The following CNBD1 variants were observed in gnomAD, a reference collection of about 807,000 sequenced individuals.
The protein encoded by CNBD1 is cyclic nucleotide-binding domain-containing protein 1.
In CNBD1, 71 loss-of-function variants were observed where a neutral mutation model predicts 54.4. That is an observed-to-expected ratio of 1.30 (90% CI 1.08 to 1.59). The LOEUF is 1.59. Among genes scored for constraint, CNBD1 ranks in the 40% most tolerant of loss-of-function variants. The pLI is 0.00. For missense variants in CNBD1, 659 were observed against 518.0 expected (o/e 1.27, Z -2.64); for synonymous variants, 182 against 170.7 (o/e 1.07, Z -0.51).
At chr8:86,910,095 C>A (rs1270185301) in intron 3 of CNBD1, among the ~76,000 whole-genome samples, 1 of 152,006 alleles carries the variant, frequency 6.6e-6, no homozygotes, top group Admixed American at 6.6e-5. Flanking sequence ...GTTTTTAGAT[C>A]GGATCATGAA....
chr8:87,027,937 C>T (rs1237792769), intron 4 of CNBD1, among the ~76,000 whole-genome samples: 3 of 152,166 alleles, frequency 2.0e-5, no homozygotes, highest in African/African-American at 7.2e-5. Flanking sequence ...CTCAGTTGGG[C>T]CTGATCAGCT....
chr8:87,241,370 A>G (rs141234633), intron 6 of CNBD1, among the ~76,000 whole-genome samples: 2,308 of 141,652 alleles, frequency 0.016, 68 homozygotes, highest in African/African-American at 0.058. Context: ...TCCCGGGTTC[A>G]CGTCATTCTC....
At chr8:87,288,658 T>A (rs1808736423) in intron 8 of CNBD1, among the ~76,000 whole-genome samples, 1 of 152,098 alleles carries the variant, frequency 6.6e-6, no homozygotes, top group Non-Finnish European at 1.5e-5. Flanking sequence ...CCTAGACTAA[T>A]ATTGAATTCA....
At chr8:86,885,451 G>A (rs1437528524) in intron 1 of CNBD1, among the ~76,000 whole-genome samples, 1 of 151,978 alleles carries the variant, frequency 6.6e-6, no homozygotes, top group Non-Finnish European at 1.5e-5. Context: ...CGTGTTATAG[G>A]GTTAAGTCTT....
In CNBD1 at chr8:86,890,892, G is replaced by A. The variant is rs117462439; in HGVS notation, c.158+3281G>A. 1.6e-3 allele frequency among the ~76,000 whole-genome samples: 243 copies of A among 151,226 alleles called. 4 individuals carry two copies. The East Asian group carries it at 0.04, about 25-fold the overall frequency. ...TCATGAACACATTGGCTATACATAT[G>A]TCTTCTTTGGTAAAGTAGGTGTTCA... is the stretch of plus-strand genomic sequence containing the variant. On this transcript the variant is annotated intron_variant, in intron 2 of 10. Transcript: ENST00000518476.
At chr8:87,380,630 T>A (rs1413856500) in intron 10 of CNBD1, among the ~76,000 whole-genome samples, 1 of 152,074 alleles carries the variant, frequency 6.6e-6, no homozygotes, top group East Asian at 1.9e-4. Context: ...TTTAACAATA[T>A]TGTCTTCCAG....
chr8:87,348,766 G>A (rs991740435), intron 8 of CNBD1, among the ~76,000 whole-genome samples: 1 of 152,142 alleles, frequency 6.6e-6, no homozygotes, highest in African/African-American at 2.4e-5. Context: ...ATAGCCAGTA[G>A]GGAATTATTC....
chr8:87,162,710 T>C (rs559884085), intron 4 of CNBD1, among the ~76,000 whole-genome samples: 6 of 152,038 alleles, frequency 3.9e-5, no homozygotes, highest in Non-Finnish European at 5.9e-5. Context: ...ATCTCTCTGC[T>C]CCCAAAATTG....
chr8:87,213,370 G>A (rs1814142288), intron 5 of CNBD1, among the ~76,000 whole-genome samples: 1 of 152,106 alleles, frequency 6.6e-6, no homozygotes, highest in Admixed American at 6.5e-5. Context: ...CCTGAGACTG[G>A]ATAATTTATA....
chr8:87,382,818 G>A lies in CNBD1; in HGVS notation c.*191G>A. On this transcript the variant is annotated 3_prime_UTR_variant, in exon 11 of 11. Coordinates refer to ENST00000518476, the MANE Select transcript of CNBD1 (RefSeq NM_173538.3). ...CAGTTTTTATTAGCAGTCTTTCTTG[G>A]TTTGGATACTAAAATAAATATAGTT... 2 of 446,686 alleles carry A rather than the reference G, an allele frequency of 4.5e-6. No individual in the cohort carries two copies. Among genetic ancestry groups the A allele is most frequent in the Non-Finnish European group, 8.0e-6 (2 of 249,068 alleles). The allele number at this position is 446,686 out of a possible 1,614,324, so 27.7% of individuals were successfully genotyped here. A position where few individuals can be genotyped will look rare whatever the true frequency, so the allele number is the denominator to read the frequency against.
At chr8:87,137,849 A>T (rs1376404912) in intron 4 of CNBD1, among the ~76,000 whole-genome samples, 1 of 152,134 alleles carries the variant, frequency 6.6e-6, no homozygotes, top group Non-Finnish European at 1.5e-5. Flanking sequence ...AATAAGAGGG[A>T]AAACTACTTA....
rs1363019469 is a variant in CNBD1, at chr8:86,939,724, T to C, written c.401T>C (p.Phe134Ser). The change falls in exon 4 of 11, where the codon TTT becomes TCT. Residue 134 changes from phenylalanine to serine, a missense_variant. Coordinates refer to ENST00000518476, the MANE Select transcript of CNBD1 (RefSeq NM_173538.3). ...AGACCAAAAAGAGCCACAGAGAAAT[T>C]TGAAGAATTCCTAGCTATCTTAAAG... ...LYRPKRATEK[F>S]EEFLAILKKL... 6.3e-7 allele frequency: 1 copy of C among 1,581,780 alleles called. No individual in the cohort carries two copies. The highest frequency in any genetic ancestry group is 1.4e-5 in the African/African-American group (1 of 73,566).
intron 2 of CNBD1, among the ~76,000 whole-genome samples, chr8:87,412,603 A>G (rs764424315): frequency 6.6e-6 from 1 of 152,116 alleles, no homozygotes; most frequent in Non-Finnish European, 1.5e-5. Flanking sequence ...GCTAATAGAC[A>G]CTATGTTTTC....
intron 2 of CNBD1, among the ~76,000 whole-genome samples, chr8:87,420,924 T>G (rs1180166047): frequency 6.6e-6 from 1 of 152,002 alleles, no homozygotes; most frequent in Non-Finnish European, 1.5e-5. Flanking sequence ...GATCGTGGAG[T>G]AAGCTTTCAA....
chr8:87,404,348 G>T (rs145363770), intron 2 of CNBD1, among the ~76,000 whole-genome samples: 1 of 152,126 alleles, frequency 6.6e-6, no homozygotes, highest in East Asian at 1.9e-4. Flanking sequence ...TGTTACCTCA[G>T]TTGGTGCTTT....
chr8:87,239,828 C>A (rs1184670983), intron 6 of CNBD1, among the ~76,000 whole-genome samples: 1 of 151,052 alleles, frequency 6.6e-6, no homozygotes, highest in Admixed American at 6.6e-5. Flanking sequence ...TTTTGCTTTT[C>A]TCAACATAGA....
intron 8 of CNBD1, among the ~76,000 whole-genome samples, chr8:87,296,461 G>T (rs1411507419): frequency 2.0e-5 from 3 of 152,210 alleles, no homozygotes; most frequent in African/African-American, 4.8e-5. Flanking sequence ...CTAAGGCCAG[G>T]TCATTAGTGT....
At position 87,304,890 on chromosome 8, in the gene CNBD1, T is replaced by C. The variant is rs1585997899; in HGVS notation, c.1042+18219T>C. On this transcript the variant is annotated intron_variant, in intron 8 of 10. Coordinates refer to ENST00000518476, the MANE Select transcript of CNBD1 (RefSeq NM_173538.3). Reference sequence around the variant, plus strand: ...CCACTCCCACCACTCCTCTTCAACATAGTACTGGAAATCCTTATCAGAGCA... The same window carrying C: ...CCACTCCCACCACTCCTCTTCAACACAGTACTGGAAATCCTTATCAGAGCA... 2.0e-5 allele frequency among the ~76,000 whole-genome samples: 3 copies of C among 152,094 alleles called. No individual in the cohort carries two copies. The South Asian group carries it at 6.2e-4, about 32-fold the overall frequency.
chr8:87,382,637 C>G lies in CNBD1; in HGVS notation c.*10C>G. ...TTTTGCAGTGGCCTAGATCTAGAAACAACCTCAGTGAACATTAATTAAGAA... is the reference window on the plus strand; with the variant it reads ...TTTTGCAGTGGCCTAGATCTAGAAAGAACCTCAGTGAACATTAATTAAGAA... On this transcript the variant is annotated 3_prime_UTR_variant, in exon 11 of 11. Transcript: ENST00000518476. The G allele has an allele frequency of 6.5e-7, 1 of 1,528,414 alleles. No homozygotes were observed. Among genetic ancestry groups the G allele is most frequent in the Non-Finnish European group, 8.9e-7 (1 of 1,127,962 alleles). 94.7% of individuals were successfully genotyped at this position (1,528,414 alleles called of 1,614,324 possible).
Sources: allele counts gnomAD v4.1 joint callset (sites outside exome capture counted in the v4.1 genomes callset), GRCh38; gene constraint gnomAD v4.1.1; transcripts MANE v1.5; gene names NCBI Gene and HGNC (gene_info 2026-07-23, HGNC 2026-07-21).